Variants in CCDC18 observed in about 807,000 individuals in gnomAD.
CCDC18 encodes the protein coiled-coil domain-containing protein 18.
Under a neutral mutation model 196.0 loss-of-function variants are expected in CCDC18, and 157 were observed. The observed-to-expected ratio is 0.80, with a 90% confidence interval of 0.70 to 0.91. CCDC18 has a LOEUF of 0.91. Among genes scored for constraint, CCDC18 ranks in the 40% least tolerant of loss-of-function variants. The pLI is 0.00. For missense variants in CCDC18, 1,465 were observed against 1,611.6 expected (o/e 0.91, Z 1.56); for synonymous variants, 482 against 529.2 (o/e 0.91, Z 1.22).
intron 3 of CCDC18, 74 bp downstream of exon 3, chr1:93,184,220 T>A (rs1311877172): frequency 5.2e-6 from 4 of 766,556 alleles, no homozygotes; most frequent in Non-Finnish European, 3.6e-6. Context: ...AAATTTTTTT[T>A]AATTTTAAAA....
At chr1:93,220,085 C>T (rs1349559897) in intron 14 of CCDC18, among the ~76,000 whole-genome samples, 2 of 152,112 alleles carry the variant, frequency 1.3e-5, no homozygotes, top group African/African-American at 2.4e-5. Flanking sequence ...AGAACTACTT[C>T]TAGACACATC....
chr1:93,201,918 T>C lies in CCDC18; in HGVS notation c.725T>C (p.Leu242Pro). The change falls in exon 7 of 29, where the codon CTA becomes CCA. Residue 242 changes from leucine to proline, a missense_variant. Physicochemically the swap from Leu to Pro is moderately conservative, Grantham distance 98. Coordinates refer to ENST00000690025, the MANE Select transcript of CCDC18 (RefSeq NM_001378204.1). ...KRAERQRNEA[L>P]YNAEELSKAF... is the part of the protein sequence containing the mutation. ...GCTGAACGACAAAGGAATGAAGCAC[T>C]ATATAATGCCGAAGAGCTGAGTAAA... 1.2e-6 allele frequency: 2 copies of C among 1,602,152 alleles called. No homozygotes were observed. The highest frequency in any genetic ancestry group is 1.7e-6 in the Non-Finnish European group (2 of 1,175,290).
At chr1:93,191,014 C>T (rs1651667635) in intron 4 of CCDC18, 9 of 1,007,630 alleles carry the variant, frequency 8.9e-6, no homozygotes, top group Admixed American at 6.9e-5. Context: ...TTGGTGCTTG[C>T]CACACTTCTT....
At chr1:93,268,678 TTCA>T (rs1289564269) in intron 27 of CCDC18, among the ~76,000 whole-genome samples, 1 of 152,024 alleles carries the variant, frequency 6.6e-6, no homozygotes, top group Non-Finnish European at 1.5e-5. Context: ...TGAAAAAATG[TTCA>T]TCATCACTGG....
chr1:93,267,957 C>CA (rs894576482), intron 27 of CCDC18, among the ~76,000 whole-genome samples: 1 of 152,030 alleles, frequency 6.6e-6, no homozygotes, highest in Admixed American at 6.6e-5. Context: ...CATATGGAAC[C>CA]AAAAAAGAGC....
upstream of CCDC18, chr1:93,180,291 T>G (rs1239062290): frequency 1.3e-6 from 2 of 1,545,692 alleles, no homozygotes; most frequent in Non-Finnish European, 1.7e-6. Context: ...TACTGTTGTC[T>G]CCGCTCCGCG....
intron 18 of CCDC18, among the ~76,000 whole-genome samples, chr1:93,234,973 GGCT>G (rs1659856588): frequency 4.8e-5 from 7 of 146,306 alleles, no homozygotes; most frequent in East Asian, 2.0e-4. Flanking sequence ...GTGTGTGTGT[GGCT>G]TTTCTTTTTT....
intron 19 of CCDC18, among the ~76,000 whole-genome samples, chr1:93,237,260 A>G (rs1232729134): frequency 6.6e-6 from 1 of 152,214 alleles, no homozygotes; most frequent in Non-Finnish European, 1.5e-5. Flanking sequence ...TTCCATTGAC[A>G]GATGTTCTAC....
At chr1:93,196,896 G>C (rs954688956) in intron 6 of CCDC18, among the ~76,000 whole-genome samples, 6 of 152,132 alleles carry the variant, frequency 3.9e-5, no homozygotes, top group African/African-American at 1.4e-4. Flanking sequence ...TGTATGTTTG[G>C]AAATGTAAAA....
intron 24 of CCDC18, among the ~76,000 whole-genome samples, chr1:93,255,823 G>A (rs1026133379): frequency 2.6e-5 from 4 of 151,394 alleles, no homozygotes; most frequent in Admixed American, 2.6e-4. Flanking sequence ...GGGAGGAGGG[G>A]GAGGAATACT....
At chr1:93,255,677 A>G (rs1662852057) in intron 24 of CCDC18, among the ~76,000 whole-genome samples, 2 of 151,956 alleles carry the variant, frequency 1.3e-5, no homozygotes. Context: ...TCAAGGCTGC[A>G]GTGATTTGTG....
At chr1:93,209,758 G>A (rs1423552538) in intron 9 of CCDC18, among the ~76,000 whole-genome samples, 2 of 152,146 alleles carry the variant, frequency 1.3e-5, no homozygotes, top group Admixed American at 6.5e-5. Context: ...TCTCATTTGT[G>A]TATCAAGAAT....
At chr1:93,240,347 C>T (rs1356492853) in intron 21 of CCDC18, among the ~76,000 whole-genome samples, 1 of 152,090 alleles carries the variant, frequency 6.6e-6, no homozygotes. Context: ...CCAAGTCATA[C>T]AGGTAGTAGA....
intron 26 of CCDC18, among the ~76,000 whole-genome samples, chr1:93,260,572 G>A (rs527864667): frequency 1.9e-4 from 29 of 151,918 alleles, no homozygotes; most frequent in African/African-American, 6.5e-4. Context: ...AAGTAATAGA[G>A]AGCTAGAAAA....
intron 24 of CCDC18, among the ~76,000 whole-genome samples, chr1:93,255,069 C>T (rs530795658): frequency 3.8e-4 from 56 of 147,908 alleles, no homozygotes; most frequent in African/African-American, 1.4e-3. Context: ...TCTCCTGCCT[C>T]AGCCTCCCAA....
intron 26 of CCDC18, among the ~76,000 whole-genome samples, chr1:93,260,991 GC>G (rs1198410409): frequency 1.3e-5 from 2 of 152,110 alleles, no homozygotes; most frequent in African/African-American, 2.4e-5. Context: ...GTGTATATGT[GC>G]CACATTTTCT....
chr1:93,212,447 A>C (rs2102015836), intron 11 of CCDC18, among the ~76,000 whole-genome samples, 186 bp downstream of exon 11: 1 of 152,136 alleles, frequency 6.6e-6, no homozygotes, highest in Non-Finnish European at 1.5e-5. Context: ...CCAGGTATTA[A>C]GCCTAGTACC....
At chr1:93,190,620 G>A (rs1367299269) in intron 4 of CCDC18, 3 of 260,708 alleles carry the variant, frequency 1.2e-5, no homozygotes, top group Non-Finnish European at 1.4e-5. Flanking sequence ...TGGTTCTTTT[G>A]TAGGGAAACA....
At chr1:93,180,547 A>T (rs2101222057), upstream of CCDC18, 1 of 1,473,518 alleles carries the variant, frequency 6.8e-7, no homozygotes, top group East Asian at 3.2e-5. Flanking sequence ...TCCCCCACCA[A>T]TGGGCATCAT....
Sources: allele counts gnomAD v4.1 joint callset (sites outside exome capture counted in the v4.1 genomes callset), GRCh38; gene constraint gnomAD v4.1.1; transcripts MANE v1.5; gene names NCBI Gene and HGNC (gene_info 2026-07-23, HGNC 2026-07-21).